The following DLEU7 variants were observed in gnomAD, a reference collection of about 807,000 sequenced individuals.
The protein encoded by DLEU7 is leukemia-associated protein 7.
In DLEU7, 17 loss-of-function variants were observed where a neutral mutation model predicts 16.0. That is an observed-to-expected ratio of 1.06 (90% CI 0.73 to 1.59). DLEU7 has a LOEUF of 1.59. DLEU7 is among the 40% of genes most tolerant of loss of function. DLEU7 has a pLI of 0.00. For synonymous variants in DLEU7, 113 were observed against 139.8 expected (o/e 0.81, Z 1.35); for missense variants, 308 against 314.9 (o/e 0.98, Z 0.17).
intron 1 of DLEU7, among the ~76,000 whole-genome samples, chr13:50,714,451 G>C (rs983838545): frequency 6.6e-6 from 1 of 152,150 alleles, no homozygotes; most frequent in African/African-American, 2.4e-5. Context: ...TTAAGTAACA[G>C]GATATTAAAA....
chr13:50,753,633 A>G (rs1470225548), intron 1 of DLEU7, among the ~76,000 whole-genome samples: 1 of 152,032 alleles, frequency 6.6e-6, no homozygotes, highest in African/African-American at 2.4e-5. Flanking sequence ...CCCACCCGGA[A>G]CTCGCACTGG....
intron 1 of DLEU7, among the ~76,000 whole-genome samples, chr13:50,840,432 G>C (rs1877610456): frequency 6.6e-6 from 1 of 152,182 alleles, no homozygotes; most frequent in Non-Finnish European, 1.5e-5. Context: ...AAAATTCCTA[G>C]GTGCTCCCAA....
At chr13:50,815,836 T>C (rs1876717093) in intron 1 of DLEU7, among the ~76,000 whole-genome samples, 1 of 152,150 alleles carries the variant, frequency 6.6e-6, no homozygotes, top group Admixed American at 6.6e-5. Flanking sequence ...CCATTAACTT[T>C]AGAGCTTCTG....
downstream of DLEU7, among the ~76,000 whole-genome samples, chr13:50,820,896 C>T (rs1007369024): frequency 6.6e-6 from 1 of 152,034 alleles, no homozygotes; most frequent in African/African-American, 2.4e-5. Flanking sequence ...TCAGTATAAA[C>T]AGTATCAAGA....
intron 1 of DLEU7, among the ~76,000 whole-genome samples, chr13:50,731,353 C>G (rs1351760327): frequency 1.3e-5 from 2 of 152,146 alleles, no homozygotes; most frequent in Admixed American, 1.3e-4. Flanking sequence ...TAGTCAAGGC[C>G]CTCCACTGGC....
At position 50,726,656 on chromosome 13, in the gene DLEU7, G is replaced by A. The variant is rs913767355; in HGVS notation, c.460-13416C>T. On this transcript the variant is annotated intron_variant, in intron 1 of 1. Transcript: ENST00000400393. The surrounding 1 kb of genome is among the most constrained non-coding windows in gnomAD (Gnocchi z 4.0). ...GGGAGGTCTTTTCATGTGTGTCATC[G>A]TTCTAAGAGCCCACTGGCTATGCCT... Among the ~76,000 whole-genome samples the A allele has an allele frequency of 2.0e-5, 3 of 152,104 alleles. No individual in the cohort carries two copies. The highest frequency in any genetic ancestry group is 7.2e-5 in the African/African-American group (3 of 41,422).
intron 1 of DLEU7, among the ~76,000 whole-genome samples, chr13:50,747,332 C>CTGTGT (rs1874427902): frequency 1.5e-5 from 2 of 137,706 alleles, no homozygotes; most frequent in Non-Finnish European, 3.2e-5. Flanking sequence ...AAGAAAAACT[C>CTGTGT]TGTGTGTGTG....
chr13:50,805,233 AGTTTT>A (rs1386541431), intron 1 of DLEU7, among the ~76,000 whole-genome samples: 4 of 152,222 alleles, frequency 2.6e-5, no homozygotes, highest in East Asian at 3.9e-4. Context: ...ATTTATTGAC[AGTTTT>A]GTTTTGTTGT....
chr13:50,752,811 G>A (rs1874613825), intron 1 of DLEU7, among the ~76,000 whole-genome samples: 1 of 152,132 alleles, frequency 6.6e-6, no homozygotes, highest in Non-Finnish European at 1.5e-5. Flanking sequence ...ATTGCAAAGA[G>A]TGAAAGAACA....
chr13:50,716,988 A>G (rs1422555235), intron 1 of DLEU7, among the ~76,000 whole-genome samples: 1 of 152,220 alleles, frequency 6.6e-6, no homozygotes, highest in Non-Finnish European at 1.5e-5. Context: ...TTTAATTTAA[A>G]CCAATACAAT....
chr13:50,789,522 G>A (rs985174769), intron 1 of DLEU7, among the ~76,000 whole-genome samples: 2 of 151,266 alleles, frequency 1.3e-5, no homozygotes, highest in Admixed American at 6.6e-5. Flanking sequence ...ATGTATATAT[G>A]TATACACACA....
At chr13:50,732,727 T>C (rs1873949607) in intron 1 of DLEU7, among the ~76,000 whole-genome samples, 2 of 152,186 alleles carry the variant, frequency 1.3e-5, no homozygotes, top group Admixed American at 1.3e-4. Context: ...TGAGTCCTTT[T>C]TTTAAAATTC....
At chr13:50,820,319 C>T (rs373431181), downstream of DLEU7, among the ~76,000 whole-genome samples, 12 of 151,686 alleles carry the variant, frequency 7.9e-5, no homozygotes, top group African/African-American at 2.7e-4. Flanking sequence ...AAAACAGTAG[C>T]CAGAGGAATT....
chr13:50,831,652 C>T (rs375525508), intron 1 of DLEU7, among the ~76,000 whole-genome samples: 3 of 152,294 alleles, frequency 2.0e-5, no homozygotes, highest in South Asian at 2.1e-4. Context: ...CTGGCCCACA[C>T]GCCTGAGCAC....
chr13:50,794,311 T>TG (rs1246163034), intron 1 of DLEU7, among the ~76,000 whole-genome samples: 4 of 152,148 alleles, frequency 2.6e-5, no homozygotes, highest in Admixed American at 6.6e-5. Context: ...CTTTTTTTTT[T>TG]TTTAACATGG....
intron 1 of DLEU7, among the ~76,000 whole-genome samples, chr13:50,778,052 C>T (rs1875554776): frequency 6.6e-6 from 1 of 152,126 alleles, no homozygotes; most frequent in African/African-American, 2.4e-5. Flanking sequence ...CAAGGAACTA[C>T]CTGAGACTGG....
At position 50,726,530 on chromosome 13, in the gene DLEU7, A is replaced by C. The variant is rs1873768021; in HGVS notation, c.460-13290T>G. On this transcript the variant is annotated intron_variant, in intron 1 of 1. Transcript: ENST00000400393. This position sits in a 1 kb window ranked among gnomAD's most constrained non-coding sequence, Gnocchi z 4.0. ...ATTAAGGGTAAACGTTGCATTTTCA[A>C]ATCACAAAAGTTTTTGCCAAAATTC... 1.3e-5 allele frequency among the ~76,000 whole-genome samples: 2 copies of C among 152,232 alleles called. No individual in the cohort carries two copies. Among genetic ancestry groups the C allele is most frequent in the South Asian group, 4.1e-4 (2 of 4,830 alleles).
chr13:50,724,047 T>C (rs541669869), intron 1 of DLEU7, among the ~76,000 whole-genome samples: 1 of 152,028 alleles, frequency 6.6e-6, no homozygotes, highest in Non-Finnish European at 1.5e-5. Flanking sequence ...ATTGTGTTTA[T>C]AAAATATTAA....
At chr13:50,753,695 A>C (rs1874661302) in intron 1 of DLEU7, among the ~76,000 whole-genome samples, 1 of 151,576 alleles carries the variant, frequency 6.6e-6, no homozygotes, top group South Asian at 2.1e-4. Context: ...CTCCCTCCAC[A>C]CCTCCCTGCA....
Sources: allele counts gnomAD v4.1 joint callset (sites outside exome capture counted in the v4.1 genomes callset), GRCh38; gene constraint gnomAD v4.1.1; non-coding constraint Gnocchi (gnomAD v3.1); transcripts MANE v1.5; gene names NCBI Gene and HGNC (gene_info 2026-07-23, HGNC 2026-07-21).